Variants in PRMT3 observed in about 807,000 individuals in gnomAD.
PRMT3 encodes the protein protein arginine methyltransferase 3.
Under a neutral mutation model 71.9 loss-of-function variants are expected in PRMT3, and 62 were observed. That is an observed-to-expected ratio of 0.86 (90% CI 0.70 to 1.07). PRMT3 has a LOEUF of 1.07. Ranked by LOEUF, PRMT3 falls within the 50% of genes least tolerant of loss-of-function variation. PRMT3 has a pLI of 0.00. For synonymous variants in PRMT3, 213 were observed against 220.4 expected, an observed-to-expected ratio of 0.97 and a Z score of 0.30; for missense variants, 663 against 643.0, an observed-to-expected ratio of 1.03 and a Z score of -0.34.
intron 10 of PRMT3, among the ~76,000 whole-genome samples, chr11:20,451,706 C>T (rs759164347): frequency 6.6e-6 from 1 of 151,972 alleles, no homozygotes; most frequent in East Asian, 1.9e-4. Flanking sequence ...CATCCCCCAC[C>T]CCCAGTTGCA....
At chr11:20,425,187 A>ATATG (rs1849520700) in intron 9 of PRMT3, among the ~76,000 whole-genome samples, 1 of 152,210 alleles carries the variant, frequency 6.6e-6, no homozygotes, top group South Asian at 2.1e-4. Flanking sequence ...AGACATGGGA[A>ATATG]TATGGCAAGC....
rs532854022 is a variant in PRMT3 at position 20,430,212 on chromosome 11, AT to A, written c.993+3355del. Among the ~76,000 whole-genome samples the A allele has an allele frequency of 2.1e-3, 322 of 152,102 alleles. 2 individuals are homozygous for A. The highest frequency in any genetic ancestry group is 7.5e-3 in the African/African-American group (311 of 41,502). On this transcript the variant is annotated intron_variant, in intron 10 of 15. Coordinates refer to ENST00000331079, the MANE Select transcript of PRMT3 (RefSeq NM_005788.4). Reference sequence around the variant, plus strand: ...AATCTAGAATGAACCATAGTTAAGCATTTTTTTTCTCTTTTTACAAGTATTT... The same window carrying A: ...AATCTAGAATGAACCATAGTTAAGCATTTTTTTCTCTTTTTACAAGTATTT...
In PRMT3 at chr11:20,424,143, C is replaced by T. The variant is rs189568257; in HGVS notation, c.894-2623C>T. The stretch of plus-strand genomic sequence containing the variant: ...AGCTTACAGTGAGCCGAGATCGCGC[C>T]ACTGCACTCCAGCCTGGGCAACAAA... On this transcript the variant is annotated intron_variant, in intron 9 of 15. Coordinates refer to ENST00000331079, the MANE Select transcript of PRMT3 (RefSeq NM_005788.4). Among the ~76,000 whole-genome samples the T allele has an allele frequency of 3.4e-5, 5 of 149,048 alleles. No individual in the cohort carries two copies. The East Asian group carries it at 1.0e-3, about 30-fold the overall frequency.
At chr11:20,480,534 G>A (rs1850906070) in intron 13 of PRMT3, among the ~76,000 whole-genome samples, 1 of 152,118 alleles carries the variant, frequency 6.6e-6, no homozygotes. Flanking sequence ...CGTTTCAGTT[G>A]TGATGTTTTT....
Position 20,392,969 on chromosome 11 carries a change from G to A in PRMT3, c.370G>A (p.Val124Ile), listed in dbSNP as rs1206670226. 6.2e-7 allele frequency: 1 copy of A among 1,603,708 alleles called. No homozygotes were observed. Among genetic ancestry groups the A allele is most frequent in the Non-Finnish European group, 8.5e-7 (1 of 1,170,834 alleles). ...PWEKEEYLKP[V>I]LEDDLLLQFD... ...GGAGAAAGAAGAGTATTTGAAGCCA[G>A]TATTAGAAGATGACCTTTTACTTCA... Residue 124 changes from valine (V) to isoleucine (I), a missense_variant, in exon 5 of 16, where the codon GTA becomes ATA. Physicochemically the swap from Val to Ile is conservative, Grantham distance 29. Coordinates refer to ENST00000331079, the MANE Select transcript of PRMT3 (RefSeq NM_005788.4).
intron 13 of PRMT3, among the ~76,000 whole-genome samples, chr11:20,491,441 G>A (rs1851204216): frequency 2.6e-5 from 4 of 152,128 alleles, no homozygotes; most frequent in Non-Finnish European, 4.4e-5. Context: ...TGTGTGTCTT[G>A]TTAAAATCTT....
At chr11:20,452,781 A>G (rs73449278) in intron 11 of PRMT3, among the ~76,000 whole-genome samples, 5,260 of 152,290 alleles carry the variant, frequency 0.035, 277 homozygotes, top group African/African-American at 0.12. Context: ...CTGCATACTC[A>G]GAGTGAGATT....
intron 11 of PRMT3, among the ~76,000 whole-genome samples, chr11:20,461,275 T>G (rs747534159): frequency 2.6e-5 from 4 of 152,170 alleles, no homozygotes; most frequent in Non-Finnish European, 5.9e-5. Context: ...GTTCTTATCT[T>G]ATATATTATC....
At chr11:20,470,101 C>CTT (rs1352241388) in intron 13 of PRMT3, among the ~76,000 whole-genome samples, 1 of 152,138 alleles carries the variant, frequency 6.6e-6, no homozygotes, top group Non-Finnish European at 1.5e-5. Context: ...TACACCTAGG[C>CTT]TATATACTAT....
At chr11:20,490,523 T>A (rs1851181914) in intron 13 of PRMT3, among the ~76,000 whole-genome samples, 1 of 150,056 alleles carries the variant, frequency 6.7e-6, no homozygotes, top group South Asian at 2.1e-4. Context: ...ACACCTGTAA[T>A]CCCAGTGCTT....
chr11:20,441,637 C>G (rs1056994594), intron 10 of PRMT3, among the ~76,000 whole-genome samples: 2 of 149,454 alleles, frequency 1.3e-5, no homozygotes, highest in Non-Finnish European at 3.0e-5. Context: ...TAAAAAGTCA[C>G]AAATCTACAC....
intron 9 of PRMT3, among the ~76,000 whole-genome samples, chr11:20,426,121 A>C (rs1388325258): frequency 3.3e-5 from 5 of 152,234 alleles, no homozygotes; most frequent in African/African-American, 1.2e-4. Flanking sequence ...CCACTGGTCA[A>C]GGTTAATTTT....
chr11:20,507,513 C>T (rs987015829), intron 15 of PRMT3, among the ~76,000 whole-genome samples: 3 of 152,210 alleles, frequency 2.0e-5, no homozygotes, highest in Non-Finnish European at 2.9e-5. Flanking sequence ...CAGTGGCTTA[C>T]GCCTGTAATC....
intron 13 of PRMT3, among the ~76,000 whole-genome samples, chr11:20,481,301 A>G (rs1850926035): frequency 6.6e-6 from 1 of 151,356 alleles, no homozygotes; most frequent in Non-Finnish European, 1.5e-5. Flanking sequence ...TGGTCTCAGT[A>G]GTACAGATGA....
At chr11:20,392,321 T>C (rs1028322622) in intron 4 of PRMT3, 61 bp downstream of exon 4, 3 of 1,465,374 alleles carry the variant, frequency 2.0e-6, no homozygotes, top group Middle Eastern at 3.6e-4. Flanking sequence ...ACAGTGACTG[T>C]CAGTGTACTG....
chr11:20,501,381 G>T (rs182688119), intron 15 of PRMT3, among the ~76,000 whole-genome samples: 55 of 152,016 alleles, frequency 3.6e-4, no homozygotes, highest in African/African-American at 1.3e-3. Context: ...CATCACCTTG[G>T]GTAACACTAT....
At chr11:20,396,444 C>T (rs1471384569) in intron 6 of PRMT3, among the ~76,000 whole-genome samples, 1 of 152,116 alleles carries the variant, frequency 6.6e-6, no homozygotes, top group Non-Finnish European at 1.5e-5. Context: ...TGAGACCAGC[C>T]TGGCCAACAT....
At chr11:20,395,674 A>G in intron 5 of PRMT3, 129 bp from the exon 6 acceptor site, 1 of 891,170 alleles carries the variant, frequency 1.1e-6, no homozygotes, top group Non-Finnish European at 1.7e-6. Flanking sequence ...TATTCAATTA[A>G]AAGTACTTTC....
At chr11:20,400,225 G>A (rs1164370802) in intron 7 of PRMT3, among the ~76,000 whole-genome samples, 1 of 152,204 alleles carries the variant, frequency 6.6e-6, no homozygotes, top group Admixed American at 6.5e-5. Flanking sequence ...CTTGGCATTG[G>A]CCTTGTTTTT....
Sources: allele counts gnomAD v4.1 joint callset (sites outside exome capture counted in the v4.1 genomes callset), GRCh38; gene constraint gnomAD v4.1.1; transcripts MANE v1.5; gene names NCBI Gene and HGNC (gene_info 2026-07-23, HGNC 2026-07-21).